Variants in DIAPH3 observed in about 807,000 individuals in gnomAD.
The protein encoded by DIAPH3 is protein diaphanous homolog 3.
DIAPH3 carries 117 observed loss-of-function variants against 144.3 expected under a neutral mutation model. The ratio of observed to expected loss-of-function variants is 0.81; its 90% CI spans 0.70 to 0.95. DIAPH3 has a LOEUF of 0.95. Among genes scored for constraint, DIAPH3 ranks in the 40% least tolerant of loss-of-function variants. DIAPH3 has a pLI of 0.00. For synonymous variants in DIAPH3, 519 were observed against 488.9 expected (o/e 1.06, Z -0.81); for missense variants, 1,421 against 1,412.7 (o/e 1.01, Z -0.09).
intron 17 of DIAPH3, among the ~76,000 whole-genome samples, chr13:59,967,956 T>C (rs1056765851): frequency 6.6e-6 from 1 of 152,174 alleles, no homozygotes; most frequent in Non-Finnish European, 1.5e-5. Flanking sequence ...GAAGGTATCA[T>C]AGTCCTCTGC....
intron 4 of DIAPH3, among the ~76,000 whole-genome samples, chr13:60,046,863 TAAC>T (rs1259144010): frequency 6.6e-6 from 1 of 151,498 alleles, no homozygotes; most frequent in Admixed American, 6.6e-5. Flanking sequence ...CTCAGCAAAC[TAAC>T]AACAAGAACA....
At chr13:60,102,773 T>C (rs1305250942) in intron 3 of DIAPH3, among the ~76,000 whole-genome samples, 1 of 152,150 alleles carries the variant, frequency 6.6e-6, no homozygotes, top group African/African-American at 2.4e-5. Flanking sequence ...ATATAACGAC[T>C]GACCCCTGCC....
At chr13:59,755,965 TATG>T (rs1260636194) in intron 27 of DIAPH3, among the ~76,000 whole-genome samples, 2 of 152,126 alleles carry the variant, frequency 1.3e-5, no homozygotes, top group Non-Finnish European at 2.9e-5. Flanking sequence ...TAATAAAAAA[TATG>T]ATATTAATCA....
chr13:59,922,460 A>C (rs1278072126), intron 18 of DIAPH3, among the ~76,000 whole-genome samples: 1 of 152,060 alleles, frequency 6.6e-6, no homozygotes, highest in East Asian at 1.9e-4. Flanking sequence ...ACATACCCAT[A>C]ATATTCTCTT....
At chr13:59,671,942 T>C (rs774568028) in intron 27 of DIAPH3, among the ~76,000 whole-genome samples, 1 of 152,164 alleles carries the variant, frequency 6.6e-6, no homozygotes, top group African/African-American at 2.4e-5. Flanking sequence ...GAGTATAGAT[T>C]TGGATGACAA....
At chr13:59,811,391 C>T (rs1032077128) in intron 24 of DIAPH3, among the ~76,000 whole-genome samples, 1 of 151,984 alleles carries the variant, frequency 6.6e-6, no homozygotes, top group Non-Finnish European at 1.5e-5. Flanking sequence ...CTTTTTATTA[C>T]AATCATATAT....
rs569937825 is a variant in DIAPH3 at position 59,801,969 on chromosome 13, C to A, written c.3163+8819G>T. The stretch of plus-strand genomic sequence containing the variant: ...TACTACTGAGTTGTTTTTTTTCCCC[C>A]TCTTTGAGATAATCACTTTAGACTT... On this transcript the variant is annotated intron_variant, in intron 25 of 27. Transcript: ENST00000400324. Among the ~76,000 whole-genome samples, 418 of 152,068 alleles carry A rather than the reference C, an allele frequency of 2.7e-3. 1 individual carries two copies. Among genetic ancestry groups the A allele is most frequent in the Non-Finnish European group, 4.1e-3 (277 of 67,974 alleles).
At chr13:59,849,891 C>T (rs1393336617) in intron 22 of DIAPH3, among the ~76,000 whole-genome samples, 1 of 145,110 alleles carries the variant, frequency 6.9e-6, no homozygotes, top group Non-Finnish European at 1.5e-5. Flanking sequence ...GGCATTGAAT[C>T]TGTAAATTAC....
chr13:59,811,016 C>T, intron 24 of DIAPH3, 93 bp from the exon 25 acceptor site: 2 of 1,197,182 alleles, frequency 1.7e-6, no homozygotes, highest in Non-Finnish European at 2.4e-6. Flanking sequence ...AAGGTAGAAA[C>T]ATGATTATCT....
rs558678599 is a variant in DIAPH3, at chr13:59,757,392, C to CTTTT, written c.3319+16793_3319+16796dup. Among the ~76,000 whole-genome samples the CTTTT allele has an allele frequency of 7.8e-4, 73 of 93,046 alleles. 7 individuals carry two copies. Among genetic ancestry groups the CTTTT allele is most frequent in the African/African-American group, 1.4e-3 (27 of 19,042 alleles). 61.0% of individuals were successfully genotyped at this position (93,046 alleles called of 152,430 possible). ...GGAAAGCTAGTTATTATGGGTCATCCTTTTTTTTTTTTTTTTTTTTTTTTT... is the reference window on the plus strand; with the variant it reads ...GGAAAGCTAGTTATTATGGGTCATCCTTTTTTTTTTTTTTTTTTTTTTTTTTTTT... On this transcript the variant is annotated intron_variant, in intron 27 of 27. Transcript: ENST00000400324.
At position 60,015,985 on chromosome 13, in the gene DIAPH3, G is replaced by A; in HGVS notation, c.702-3C>T. 1.2e-6 allele frequency: 2 copies of A among 1,612,676 alleles called. No homozygotes were observed. The highest frequency in any genetic ancestry group is 8.5e-7 in the Non-Finnish European group (1 of 1,179,160). ...TTTTCTTTACAACTTTTTCTTGGCT[G>A]TATTGACATAAAAAATAGCAGTGTT... On this transcript the variant is annotated splice_region_variant and splice_polypyrimidine_tract_variant and intron_variant, in intron 6 of 27. Coordinates refer to ENST00000400324, the MANE Select transcript of DIAPH3 (RefSeq NM_001042517.2).
At chr13:59,852,111 T>C (rs1440037100) in intron 22 of DIAPH3, among the ~76,000 whole-genome samples, 3 of 152,110 alleles carry the variant, frequency 2.0e-5, no homozygotes, top group Non-Finnish European at 2.9e-5. Context: ...CTTTTTTCCA[T>C]AAAATATGGT....
intron 9 of DIAPH3, among the ~76,000 whole-genome samples, chr13:59,994,049 C>T (rs1436979117): frequency 2.0e-5 from 3 of 151,556 alleles, no homozygotes; most frequent in African/African-American, 4.8e-5. Context: ...ATGTAGACAA[C>T]AGTAGCATGA....
chr13:59,983,101 C>T (rs2051124808), intron 13 of DIAPH3, among the ~76,000 whole-genome samples: 1 of 120,038 alleles, frequency 8.3e-6, no homozygotes, highest in African/African-American at 3.2e-5. Context: ...TTAATAAAAA[C>T]TCAAATGTTA....
chr13:59,804,585 A>AGTTGTT (rs372165377), intron 25 of DIAPH3, among the ~76,000 whole-genome samples: 2 of 151,964 alleles, frequency 1.3e-5, no homozygotes, highest in South Asian at 2.1e-4. Context: ...TAGTAGTAGC[A>AGTTGTT]GTTGTTGTTG....
At chr13:59,917,155 A>G (rs1347434674) in intron 18 of DIAPH3, among the ~76,000 whole-genome samples, 1 of 152,158 alleles carries the variant, frequency 6.6e-6, no homozygotes, top group Admixed American at 6.6e-5. Flanking sequence ...TAAAGAAACT[A>G]TGTTCAGCAC....
intron 3 of DIAPH3, among the ~76,000 whole-genome samples, chr13:60,103,454 A>T (rs1566775772): frequency 6.6e-6 from 1 of 152,200 alleles, no homozygotes; most frequent in Non-Finnish European, 1.5e-5. Flanking sequence ...GTTGCTGAAG[A>T]TGGTCAGGTG....
chr13:60,035,446 T>G (rs1254708686), intron 5 of DIAPH3, among the ~76,000 whole-genome samples: 2 of 152,196 alleles, frequency 1.3e-5, no homozygotes, highest in Non-Finnish European at 2.9e-5. Flanking sequence ...GGTGCTAGGT[T>G]TGGAAGGACT....
intron 21 of DIAPH3, among the ~76,000 whole-genome samples, chr13:59,872,909 G>A (rs1036811195): frequency 1.3e-5 from 2 of 152,184 alleles, no homozygotes; most frequent in Non-Finnish European, 2.9e-5. Flanking sequence ...TGCTGAGCCT[G>A]AGCAAAGTCA....
Sources: allele counts gnomAD v4.1 joint callset (sites outside exome capture counted in the v4.1 genomes callset), GRCh38; gene constraint gnomAD v4.1.1; transcripts MANE v1.5; gene names NCBI Gene and HGNC (gene_info 2026-07-23, HGNC 2026-07-21).